The following PCDHGA1 variants were observed in gnomAD, a reference collection of about 807,000 sequenced individuals.
The protein encoded by PCDHGA1 is protocadherin gamma subfamily A, 1.
In PCDHGA1, 32 loss-of-function variants were observed where a neutral mutation model predicts 58.0. The ratio of observed to expected loss-of-function variants is 0.55; its 90% CI spans 0.42 to 0.74. The LOEUF (loss-of-function observed/expected upper bound fraction) is 0.74, where lower values mean the gene tolerates loss of function less well. Among genes scored for constraint, PCDHGA1 ranks in the 30% least tolerant of loss-of-function variants. PCDHGA1 has a pLI of 0.00. For synonymous variants in PCDHGA1, 498 were observed against 501.1 expected, an observed-to-expected ratio of 0.99 and a Z score of 0.08; for missense variants, 1,205 against 1,182.3, an observed-to-expected ratio of 1.02 and a Z score of -0.28.
intron 1 of PCDHGA1, among the ~76,000 whole-genome samples, chr5:141,465,839 G>A (rs1166392052): frequency 6.6e-6 from 1 of 151,400 alleles, no homozygotes; most frequent in Non-Finnish European, 1.5e-5. Context: ...AATTTCAACT[G>A]AGGCTGGGCC....
intron 1 of PCDHGA1, among the ~76,000 whole-genome samples, chr5:141,380,452 A>G (rs939705980): frequency 9.9e-5 from 15 of 152,226 alleles, no homozygotes; most frequent in African/African-American, 3.6e-4. Flanking sequence ...TTTTTAATGC[A>G]ACCAAACAAA....
chr5:141,397,972 G>A lies in PCDHGA1; in HGVS notation c.2421+64867G>A. 2.6e-6 allele frequency: 3 copies of A among 1,155,562 alleles called. No homozygotes were observed. In the South Asian group the frequency reaches 4.9e-5, roughly 19 times the overall value. The allele number at this position is 1,155,562 out of a possible 1,614,324, so 71.6% of individuals were successfully genotyped here. A position where few individuals can be genotyped will look rare whatever the true frequency, so the allele number is the denominator to read the frequency against. On this transcript the variant is annotated intron_variant, in intron 1 of 3. Transcript: ENST00000517417. ...GCAGCCCCAGCTCAGACTCCCCAGC[G>A]CCGGCCTTTACACCGCTTCCTCCTC...
intron 1 of PCDHGA1, among the ~76,000 whole-genome samples, chr5:141,454,420 T>C (rs889393211): frequency 6.6e-6 from 1 of 152,218 alleles, no homozygotes; most frequent in African/African-American, 2.4e-5. Context: ...TATTTATTTA[T>C]TTAGAGACAG....
At chr5:141,361,429 C>T (rs1762019360) in intron 1 of PCDHGA1, 1 of 1,614,066 alleles carries the variant, frequency 6.2e-7, no homozygotes. Flanking sequence ...CAAGCCGCCC[C>T]TCTCCTCCAG....
intron 1 of PCDHGA1, among the ~76,000 whole-genome samples, chr5:141,354,631 T>C (rs1025188967): frequency 2.6e-5 from 4 of 152,238 alleles, no homozygotes; most frequent in Admixed American, 2.6e-4. Context: ...TTCACTTATC[T>C]GTCTCATCCA....
At chr5:141,414,945 C>G in intron 1 of PCDHGA1, 2 of 1,614,098 alleles carry the variant, frequency 1.2e-6, no homozygotes, top group Non-Finnish European at 8.5e-7. Flanking sequence ...AGCCCGGCTA[C>G]CTGGTGACCA....
At chr5:141,388,957 C>T (rs1378746840) in intron 1 of PCDHGA1, 7 of 1,613,822 alleles carry the variant, frequency 4.3e-6, no homozygotes, top group Non-Finnish European at 5.9e-6. Flanking sequence ...ATGGAGGACG[C>T]CGAGCTGGGA....
intron 1 of PCDHGA1, chr5:141,427,726 T>C: frequency 8.7e-7 from 1 of 1,155,152 alleles, no homozygotes; most frequent in Non-Finnish European, 1.3e-6. Context: ...GACCTAGGGC[T>C]GAATGGCCAA....
intron 1 of PCDHGA1, chr5:141,364,632 T>A: frequency 6.2e-7 from 1 of 1,614,142 alleles, no homozygotes; most frequent in Non-Finnish European, 8.5e-7. Flanking sequence ...CAGAGCCCAC[T>A]GTGTGTGGTG....
At chr5:141,361,287 C>A (rs762239978) in intron 1 of PCDHGA1, 1 of 1,613,944 alleles carries the variant, frequency 6.2e-7, no homozygotes, top group South Asian at 1.1e-5. Flanking sequence ...AAGTTTACTG[C>A]CAAGTGTTGG....
At chr5:141,502,291 G>A (rs1346186675) in intron 2 of PCDHGA1, among the ~76,000 whole-genome samples, 1 of 151,370 alleles carries the variant, frequency 6.6e-6, no homozygotes, top group African/African-American at 2.5e-5. Context: ...GCATTTGGTT[G>A]TCACGTCTTT....
chr5:141,368,145 T>C (rs1461482681), intron 1 of PCDHGA1, among the ~76,000 whole-genome samples: 1 of 152,222 alleles, frequency 6.6e-6, no homozygotes, highest in African/African-American at 2.4e-5. Context: ...AATTTTGTAC[T>C]TTTAAAACCT....
intron 1 of PCDHGA1, chr5:141,361,234 G>A (rs575415323): frequency 1.2e-6 from 2 of 1,613,954 alleles, no homozygotes; most frequent in South Asian, 2.2e-5. Flanking sequence ...AACAGTGATC[G>A]CCTTGATAAA....
At chr5:141,393,192 A>G in intron 1 of PCDHGA1, 2 of 1,613,468 alleles carry the variant, frequency 1.2e-6, no homozygotes, top group Non-Finnish European at 1.7e-6. Flanking sequence ...AATTGATATT[A>G]ACGATAATAA....
intron 1 of PCDHGA1, chr5:141,426,993 G>A (rs1331210977): frequency 1.1e-5 from 5 of 456,742 alleles, no homozygotes; most frequent in Middle Eastern, 3.3e-4. Context: ...CAACGATAAT[G>A]CCCCAGTTTT....
rs1173306887 is a variant in PCDHGA1 at position 141,331,917 on chromosome 5, C to T, written c.1233C>T (p.Asp411=). The change falls in exon 1 of 4, where the codon GAC becomes GAT. Residue 411 remains aspartate (D), a synonymous_variant. Coordinates refer to ENST00000517417, the MANE Select transcript of PCDHGA1 (RefSeq NM_018912.3). ...YYRLVTERTL[D]RELISGYNIT... ...GTTTAGTGACTGAAAGAACACTGGACAGAGAACTTATCTCTGGGTACAACA... is the reference window on the plus strand; with the variant it reads ...GTTTAGTGACTGAAAGAACACTGGATAGAGAACTTATCTCTGGGTACAACA... 8 of 1,614,006 alleles carry T rather than the reference C, an allele frequency of 5.0e-6. No individual in the cohort carries two copies. In the African/African-American group the frequency reaches 9.3e-5, roughly 19 times the overall value.
intron 1 of PCDHGA1, chr5:141,419,816 C>A (rs910172118): frequency 7.4e-6 from 12 of 1,613,940 alleles, no homozygotes; most frequent in Non-Finnish European, 1.0e-5. Context: ...AGGACAGCCA[C>A]CCCTTTCAGC....
intron 1 of PCDHGA1, chr5:141,478,803 T>G: frequency 2.1e-6 from 3 of 1,463,244 alleles, no homozygotes; most frequent in Non-Finnish European, 2.7e-6. Context: ...AGCACTCTTT[T>G]GCTATCACAA....
chr5:141,385,508 G>T (rs1430201636), intron 1 of PCDHGA1: 6 of 1,372,088 alleles, frequency 4.4e-6, no homozygotes, highest in Non-Finnish European at 5.6e-6. Flanking sequence ...TATTTCTTTA[G>T]TGAAAGCCTA....
Sources: allele counts gnomAD v4.1 joint callset (sites outside exome capture counted in the v4.1 genomes callset), GRCh38; gene constraint gnomAD v4.1.1; transcripts MANE v1.5; gene names NCBI Gene and HGNC (gene_info 2026-07-23, HGNC 2026-07-21).